The following TRPM1 variants were observed in gnomAD, a reference collection of about 807,000 sequenced individuals.
The protein encoded by TRPM1 is TRPM1-203 APA Isoform, Intron 10.
In TRPM1, 113 loss-of-function variants were observed where a neutral mutation model predicts 149.4. The ratio of observed to expected loss-of-function variants is 0.76; its 90% confidence interval spans 0.65 to 0.88. The LOEUF (loss-of-function observed/expected upper bound fraction) is 0.88. TRPM1 is among the 40% of genes least tolerant of loss of function. The pLI is 0.00. For missense variants in TRPM1, 1,976 were observed against 2,038.7 expected (o/e 0.97, Z 0.59); for synonymous variants, 741 against 759.5 (o/e 0.98, Z 0.40).
chr15:31,089,729 T>C lies in TRPM1; in HGVS notation c.-83-8291A>G, dbSNP rs150789936. On this transcript the variant is annotated intron_variant, in intron 1 of 27. Coordinates refer to ENST00000256552, the MANE Select transcript of TRPM1 (RefSeq NM_001252024.2). ...ACACTTGGATGACCTCTCCAAGGCC[T>C]GGAGCTTGCTTTAGACTTGTAATAG... 6.1e-3 allele frequency among the ~76,000 whole-genome samples: 922 copies of C among 152,328 alleles called. 12 individuals carry two copies. Among genetic ancestry groups the C allele is most frequent in the African/African-American group, 0.021 (871 of 41,554 alleles).
intron 1 of TRPM1, among the ~76,000 whole-genome samples, chr15:31,144,865 TC>T (rs2036205350): frequency 6.6e-6 from 1 of 151,742 alleles, no homozygotes; most frequent in African/African-American, 2.4e-5. Flanking sequence ...ACAGGTGACT[TC>T]CACCACACCG....
intron 27 of TRPM1, among the ~76,000 whole-genome samples, chr15:31,016,319 C>A (rs2032353589): frequency 6.6e-6 from 1 of 152,142 alleles, no homozygotes; most frequent in Non-Finnish European, 1.5e-5. Flanking sequence ...TAAATGATTT[C>A]TTTGAATAGT....
chr15:31,152,073 A>G (rs1331365474), intron 1 of TRPM1, among the ~76,000 whole-genome samples: 2 of 152,068 alleles, frequency 1.3e-5, no homozygotes, highest in African/African-American at 2.4e-5. Flanking sequence ...GGCTGAATGG[A>G]GTACTTACTG....
At chr15:31,132,865 TTGCC>T (rs2036035273) in intron 1 of TRPM1, among the ~76,000 whole-genome samples, 1 of 152,214 alleles carries the variant, frequency 6.6e-6, no homozygotes, top group African/African-American at 2.4e-5. Flanking sequence ...GCACTCTCTC[TTGCC>T]TGCTGCTATG....
At position 31,002,593 on chromosome 15, in the gene TRPM1, C is replaced by T. The variant is rs752686646; in HGVS notation, c.4107G>A (p.Lys1369=). The change falls in exon 28 of 28, where the codon AAG becomes AAA. Residue 1369 remains lysine, a synonymous_variant. Transcript: ENST00000256552. ...GACCTAATTTTGACTCTTCAGCGTT[C>T]TTTAAGTCATCTACTGCAAGGTGAC... The part of the protein sequence containing the change: ...DGSHLAVDDL[K]NAEESKLGPD... 1.2e-6 allele frequency: 2 copies of T among 1,614,168 alleles called. No individual in the cohort carries two copies. Among genetic ancestry groups the T allele is most frequent in the Non-Finnish European group, 1.7e-6 (2 of 1,180,038 alleles).
chr15:31,062,754 T>C, intron 8 of TRPM1, 52 bp from the exon 9 acceptor site: 1 of 1,590,068 alleles, frequency 6.3e-7, no homozygotes, highest in Non-Finnish European at 8.6e-7. Flanking sequence ...AATCTATATA[T>C]GAATGAGTCA....
intron 1 of TRPM1, among the ~76,000 whole-genome samples, chr15:31,124,781 G>A (rs148061042): frequency 6.6e-6 from 1 of 152,234 alleles, no homozygotes; most frequent in East Asian, 1.9e-4. Context: ...GGAAGACAGG[G>A]CGGGATGAAC....
intron 2 of TRPM1, among the ~76,000 whole-genome samples, chr15:31,078,251 C>T (rs566776850): frequency 1.3e-5 from 2 of 152,126 alleles, no homozygotes; most frequent in African/African-American, 4.8e-5. Flanking sequence ...GGTCCCTTGT[C>T]TCTGGGGAGG....
chr15:31,044,527 C>G (rs1220982064), intron 16 of TRPM1, among the ~76,000 whole-genome samples: 3 of 152,074 alleles, frequency 2.0e-5, no homozygotes, highest in Non-Finnish European at 2.9e-5. Context: ...AATTCCAGCA[C>G]TTTGGGAGGC....
At chr15:31,128,440 G>C (rs759052732) in intron 1 of TRPM1, among the ~76,000 whole-genome samples, 1 of 152,178 alleles carries the variant, frequency 6.6e-6, no homozygotes, top group Admixed American at 6.5e-5. Flanking sequence ...AACCATAAGG[G>C]ATGCTGGTCA....
At chr15:31,048,843 G>A (rs1277523341) in intron 13 of TRPM1, among the ~76,000 whole-genome samples, 1 of 152,144 alleles carries the variant, frequency 6.6e-6, no homozygotes, top group African/African-American at 2.4e-5. Context: ...CCAAGTTTTA[G>A]CAAGCAGCTG....
At chr15:31,134,673 C>A (rs2036064707) in intron 1 of TRPM1, among the ~76,000 whole-genome samples, 1 of 152,188 alleles carries the variant, frequency 6.6e-6, no homozygotes, top group African/African-American at 2.4e-5. Context: ...GGTATTTAAA[C>A]CTGAAGTCTA....
rs765084295 is a variant in TRPM1 at position 31,026,249 on chromosome 15, C to T, written c.3519G>A (p.Glu1173=). The T allele has an allele frequency of 2.5e-6, 4 of 1,611,622 alleles. No homozygotes were observed. The East Asian group carries it at 6.7e-5, about 27-fold the overall frequency. Residue 1173 remains glutamate (E), a synonymous_variant, in exon 27 of 28, where the codon GAG becomes GAA. Transcript: ENST00000256552. Reference sequence around the variant, plus strand: ...CCTCGAACTCATGCAGCCTCTTTAGCTCCTCGTCGCTAAGGAAGAGCTCTG... The same window carrying T: ...CCTCGAACTCATGCAGCCTCTTTAGTTCCTCGTCGCTAAGGAAGAGCTCTG... ...RGLKLFLSDE[E]LKRLHEFEEQ... is the part of the protein sequence containing the mutation.
At chr15:31,120,222 C>A (rs1323933451) in intron 1 of TRPM1, among the ~76,000 whole-genome samples, 1 of 151,632 alleles carries the variant, frequency 6.6e-6, no homozygotes, top group Non-Finnish European at 1.5e-5. Context: ...AAAGATATAC[C>A]ATGCTATAAT....
intron 20 of TRPM1, among the ~76,000 whole-genome samples, chr15:31,036,409 T>C (rs1233820123): frequency 6.6e-6 from 1 of 151,672 alleles, no homozygotes; most frequent in African/African-American, 2.4e-5. Context: ...AAAAACTGAG[T>C]ATTTGTAACT....
At chr15:31,022,937 G>A (rs2032597935) in intron 27 of TRPM1, among the ~76,000 whole-genome samples, 1 of 152,190 alleles carries the variant, frequency 6.6e-6, no homozygotes. Context: ...CAGAAGGCTC[G>A]CTTGAGTCCA....
intron 3 of TRPM1, among the ~76,000 whole-genome samples, chr15:31,073,610 C>T (rs1373344223): frequency 2.6e-5 from 4 of 151,878 alleles, no homozygotes; most frequent in African/African-American, 9.7e-5. Context: ...TGGTGGATTC[C>T]TTAGGATTTT....
upstream of TRPM1, among the ~76,000 whole-genome samples, chr15:31,106,693 A>G (rs1475047480): frequency 2.0e-5 from 3 of 152,196 alleles, no homozygotes; most frequent in African/African-American, 7.2e-5. Flanking sequence ...ACCCGTGTCA[A>G]TGGGCACTTG....
At chr15:31,068,196 G>C in intron 4 of TRPM1, 104 bp from the exon 5 acceptor site, 1 of 1,051,010 alleles carries the variant, frequency 9.5e-7, no homozygotes, top group Admixed American at 1.8e-5. Flanking sequence ...TGCCTGGCTT[G>C]TCTCTTCCTC....
Sources: gnomAD v4.1 joint callset for allele counts (sites outside exome capture counted in the v4.1 genomes callset) on GRCh38, gnomAD v4.1.1 for gene constraint, MANE v1.5 for transcripts, NCBI Gene and HGNC (gene_info 2026-07-23, HGNC 2026-07-21) for gene names.